Variants in MDM4 observed in about 807,000 individuals in gnomAD.
MDM4 encodes the protein protein Mdm4.
In MDM4, 2 loss-of-function variants were observed where a neutral mutation model predicts 60.2. That is an observed-to-expected ratio of 0.03 (90% CI 0.01 to 0.10). The LOEUF (loss-of-function observed/expected upper bound fraction) is 0.10, where lower values mean the gene tolerates loss of function less well. Among genes scored for constraint, MDM4 ranks in the 10% least tolerant of loss-of-function variants. The pLI is 1.00. For missense variants in MDM4, 447 were observed against 577.5 expected (o/e 0.77, Z 2.32); for synonymous variants, 202 against 198.1 (o/e 1.02, Z -0.17).
At chr1:204,548,113 T>C (rs1662849088) in intron 10 of MDM4, among the ~76,000 whole-genome samples, 1 of 152,240 alleles carries the variant, frequency 6.6e-6, no homozygotes, top group Non-Finnish European at 1.5e-5. Flanking sequence ...AAAGATGCCA[T>C]TGAATTTAAT....
At chr1:204,534,405 T>C (rs1395901457) in intron 5 of MDM4, among the ~76,000 whole-genome samples, 2 of 152,214 alleles carry the variant, frequency 1.3e-5, no homozygotes, top group Non-Finnish European at 2.9e-5. Flanking sequence ...TTTCTGAATA[T>C]CTATAATTCT....
intron 5 of MDM4, among the ~76,000 whole-genome samples, chr1:204,534,485 G>GTTGGT (rs1661186590): frequency 6.6e-6 from 1 of 151,840 alleles, no homozygotes; most frequent in Admixed American, 6.6e-5. Flanking sequence ...AGAATATTTT[G>GTTGGT]TTGGTTTTGT....
At chr1:204,534,142 G>A (rs532654881) in intron 5 of MDM4, among the ~76,000 whole-genome samples, 1 of 152,306 alleles carries the variant, frequency 6.6e-6, no homozygotes, top group South Asian at 2.1e-4. Context: ...AGACATTGCT[G>A]TCATACCGAA....
chr1:204,533,984 C>T (rs1350636096), intron 5 of MDM4, among the ~76,000 whole-genome samples: 1 of 152,006 alleles, frequency 6.6e-6, no homozygotes, highest in Admixed American at 6.6e-5. Flanking sequence ...TGGGGTCTTG[C>T]TTTGTTGCTC....
chr1:204,524,893 ATCTTT>A (rs1342737864), intron 1 of MDM4, among the ~76,000 whole-genome samples: 3 of 152,296 alleles, frequency 2.0e-5, no homozygotes, highest in South Asian at 2.1e-4. Context: ...TTCATGCTAC[ATCTTT>A]TCTTTGATGG....
chr1:204,529,576 G>A, intron 3 of MDM4: 1 of 1,422,060 alleles, frequency 7.0e-7, no homozygotes, highest in Non-Finnish European at 9.5e-7. Context: ...CCAGGGGGTA[G>A]CACGCTGCCA....
chr1:204,521,186 A>G (rs1572446419), intron 1 of MDM4, among the ~76,000 whole-genome samples: 3 of 152,312 alleles, frequency 2.0e-5, no homozygotes, highest in South Asian at 4.1e-4. Context: ...CTGGTACATA[A>G]TAGGCTTGAT....
At position 204,551,030 on chromosome 1, in the gene MDM4, TCA is replaced by T. The variant is rs2102464993; in HGVS notation, c.*1349_*1350del. 1 of 186,860 alleles carries T rather than the reference TCA, an allele frequency of 5.4e-6. No homozygotes were observed. The highest frequency in any genetic ancestry group is 2.3e-5 in the African/African-American group (1 of 42,726). The allele number at this position is 186,860 out of a possible 1,614,324, so 11.6% of individuals were successfully genotyped here. ...TTCTCTGGCACAGCCTTCAGAAGCA[TCA>T]GTTTTTGTTTTGTTTTGTTTTGTTT... On this transcript the variant is annotated 3_prime_UTR_variant, in exon 11 of 11. Transcript: ENST00000367182.
intron 8 of MDM4, among the ~76,000 whole-genome samples, chr1:204,544,040 T>C (rs904042584): frequency 2.6e-5 from 4 of 152,250 alleles, no homozygotes; most frequent in African/African-American, 9.6e-5. Flanking sequence ...CATAGATGAA[T>C]GCAGAAGGTT....
At chr1:204,526,679 G>A (rs568208464) in intron 3 of MDM4, among the ~76,000 whole-genome samples, 1 of 152,118 alleles carries the variant, frequency 6.6e-6, no homozygotes, top group Non-Finnish European at 1.5e-5. Context: ...TAGCCAGGAT[G>A]GTCTCAGTCT....
Position 204,552,808 on chromosome 1 carries a change from G to A in MDM4, c.*3126G>A, listed in dbSNP as rs1402651152. The A allele has an allele frequency of 5.5e-6, 1 of 180,712 alleles. No individual in the cohort carries two copies. Among genetic ancestry groups the A allele is most frequent in the Non-Finnish European group, 1.2e-5 (1 of 84,886 alleles). 11.2% of individuals were successfully genotyped at this position (180,712 alleles called of 1,614,324 possible). A position where few individuals can be genotyped will look rare whatever the true frequency, so the allele number is the denominator to read the frequency against. On this transcript the variant is annotated 3_prime_UTR_variant, in exon 11 of 11. Coordinates refer to ENST00000367182, the MANE Select transcript of MDM4 (RefSeq NM_002393.5). Reference sequence around the variant, plus strand: ...GCACTAAGTACTTAGACGATCCTAAGATATGTGCTTGAGCCGAATTTCATC... The same window carrying A: ...GCACTAAGTACTTAGACGATCCTAAAATATGTGCTTGAGCCGAATTTCATC...
chr1:204,528,900 C>G (rs1660541320), intron 3 of MDM4: 2 of 1,594,322 alleles, frequency 1.3e-6, no homozygotes, highest in East Asian at 4.5e-5. Flanking sequence ...CCGAATGTTG[C>G]CTTGTACAGC....
chr1:204,541,393 A>G (rs1443390459), intron 7 of MDM4, among the ~76,000 whole-genome samples: 1 of 152,126 alleles, frequency 6.6e-6, no homozygotes, highest in Non-Finnish European at 1.5e-5. Flanking sequence ...CTTGAGCCCA[A>G]GAGGTGGAGA....
At chr1:204,526,315 C>A in intron 2 of MDM4, 45 bp from the exon 3 acceptor site, 1 of 1,512,318 alleles carries the variant, frequency 6.6e-7, no homozygotes, top group Non-Finnish European at 9.1e-7. Context: ...GTTTCAGAAA[C>A]CTACTTGAAA....
At chr1:204,521,389 CTTTGT>C (rs909256364) in intron 1 of MDM4, among the ~76,000 whole-genome samples, 2 of 152,018 alleles carry the variant, frequency 1.3e-5, no homozygotes, top group Non-Finnish European at 2.9e-5. Flanking sequence ...GTGTGTGATG[CTTTGT>C]TTTGTTTTCT....
Position 204,529,646 on chromosome 1 carries a change from G to A in MDM4, c.154-1038G>A, listed in dbSNP as rs996963321. 71 of 860,128 alleles carry A rather than the reference G, an allele frequency of 8.3e-5. No individual in the cohort carries two copies. In the Middle Eastern group the frequency reaches 1.9e-3, roughly 23 times the overall value. The allele number at this position is 860,128 out of a possible 1,614,324, so 53.3% of individuals were successfully genotyped here. On this transcript the variant is annotated intron_variant, in intron 3 of 10. Transcript: ENST00000367182. ...GTAGCTACCCGGAGGGGTTCCTGGCGCTTGCCCTGCATCTCCAGGGCAGCC... is the reference window on the plus strand; with the variant it reads ...GTAGCTACCCGGAGGGGTTCCTGGCACTTGCCCTGCATCTCCAGGGCAGCC...
intron 3 of MDM4, among the ~76,000 whole-genome samples, chr1:204,528,343 A>G (rs994928836): frequency 2.0e-5 from 3 of 152,286 alleles, no homozygotes; most frequent in African/African-American, 7.2e-5. Context: ...CCAAGGATTT[A>G]TGGGTGTGAT....
rs555840272 is a variant in MDM4 at position 204,531,660 on chromosome 1, G to A, written c.288-531G>A. The stretch of plus-strand genomic sequence containing the variant: ...GCCTGGCCAACATAAGTGAAACGCC[G>A]TCTCTACTAAAAATACAAAAAATTA... On this transcript the variant is annotated intron_variant, in intron 4 of 10. Transcript: ENST00000367182. 5.3e-5 allele frequency among the ~76,000 whole-genome samples: 8 copies of A among 151,984 alleles called. No homozygotes were observed. The East Asian group carries it at 5.8e-4, about 11-fold the overall frequency.
intron 1 of MDM4, among the ~76,000 whole-genome samples, chr1:204,524,371 A>G (rs907942343): frequency 1.3e-5 from 2 of 152,216 alleles, no homozygotes; most frequent in South Asian, 4.1e-4. Flanking sequence ...CACCTGGCCT[A>G]TTCTAGTCGC....
Sources: allele counts gnomAD v4.1 joint callset (sites outside exome capture counted in the v4.1 genomes callset), GRCh38; gene constraint gnomAD v4.1.1; transcripts MANE v1.5; gene names NCBI Gene and HGNC (gene_info 2026-07-23, HGNC 2026-07-21).